Variants in NCOR2 observed in about 807,000 individuals in gnomAD.
NCOR2 encodes nuclear receptor corepressor 2, also known as CTG repeat protein 26.
NCOR2 carries 81 observed loss-of-function variants against 262.9 expected under a neutral mutation model. The observed-to-expected ratio is 0.31, with a 90% CI of 0.26 to 0.37. The LOEUF is 0.37. Ranked by LOEUF, NCOR2 falls within the 10% of genes least tolerant of loss-of-function variation. The pLI, the probability that NCOR2 is intolerant of heterozygous loss-of-function variation, is 1.00. For missense variants in NCOR2, 3,385 were observed against 3,621.4 expected, an observed-to-expected ratio of 0.93 and a Z score of 1.68; for synonymous variants, 1,659 against 1,559.3, an observed-to-expected ratio of 1.06 and a Z score of -1.51.
chr12:124,364,699 C>T (rs968490775), intron 20 of NCOR2, among the ~76,000 whole-genome samples: 2 of 152,194 alleles, frequency 1.3e-5, no homozygotes, highest in African/African-American at 2.4e-5. Context: ...GCCATAATCC[C>T]CATCTGGCTC....
intron 5 of NCOR2, among the ~76,000 whole-genome samples, chr12:124,462,387 G>A (rs1242301486): frequency 2.0e-5 from 3 of 152,214 alleles, no homozygotes; most frequent in East Asian, 3.8e-4. Flanking sequence ...CCCCTCCGCT[G>A]GCTGCAGCAG....
chr12:124,486,424 A>T lies in NCOR2; in HGVS notation c.233+17T>A. 5.0e-6 allele frequency: 8 copies of T among 1,612,096 alleles called. No homozygotes were observed. The highest frequency in any genetic ancestry group is 6.8e-6 in the Non-Finnish European group (8 of 1,179,388). ...GCTCTCACGCCCTGGACAGGGAGGCAGCAACTCTCTCCTCACCGTTCATTC... is the reference window on the plus strand; with the variant it reads ...GCTCTCACGCCCTGGACAGGGAGGCTGCAACTCTCTCCTCACCGTTCATTC... On this transcript the variant is annotated intron_variant, in intron 2 of 46. Transcript: ENST00000405201.
chr12:124,525,382 T>G (rs1398524214), intron 1 of NCOR2, among the ~76,000 whole-genome samples: 2 of 152,224 alleles, frequency 1.3e-5, no homozygotes, highest in African/African-American at 4.8e-5. Flanking sequence ...CTCCCCACCC[T>G]GTATTATTTC....
intron 20 of NCOR2, among the ~76,000 whole-genome samples, chr12:124,368,599 T>G (rs572172253): frequency 6.6e-6 from 1 of 152,368 alleles, no homozygotes; most frequent in African/African-American, 2.4e-5. Context: ...GCCTCTCTGC[T>G]GTCCACTGGA....
At position 124,432,702 on chromosome 12, in the gene NCOR2, G is replaced by C. The variant is rs1230924507; in HGVS notation, c.883-1915C>G. Among the ~76,000 whole-genome samples the C allele has an allele frequency of 6.6e-6, 1 of 152,174 alleles. No homozygotes were observed. The highest frequency in any genetic ancestry group is 1.5e-5 in the Non-Finnish European group (1 of 68,024). ...GCTGTGAGGACCCCAGCAGCTCCCA[G>C]AGAGGGGGCTCTGCCTTCCCTCCAA... is the stretch of plus-strand genomic sequence containing the variant. On this transcript the variant is annotated intron_variant, in intron 8 of 46. Transcript: ENST00000405201. The surrounding 1 kb of genome is among the most constrained non-coding windows in gnomAD (Gnocchi z 5.1).
In NCOR2 at chr12:124,509,239, G is replaced by GGGGC. The variant is rs1555234130; in HGVS notation, c.-117-13872_-117-13871insGCCC. Among the ~76,000 whole-genome samples the GGGGC allele has an allele frequency of 9.8e-5, 9 of 91,460 alleles. No individual in the cohort carries two copies. The Admixed American group carries it at 1.1e-3, about 11-fold the overall frequency. 60.0% of individuals were successfully genotyped at this position (91,460 alleles called of 152,430 possible). On this transcript the variant is annotated intron_variant, in intron 1 of 46. Transcript: ENST00000404621. ...CCAAAGTGGCACTGGCTTTGGTGGGGGGGGGGGGGGCTTAACTCTGAACTC... is the reference window on the plus strand; with the variant it reads ...CCAAAGTGGCACTGGCTTTGGTGGGGGGGCGGGGGGGGGGCTTAACTCTGAACTC...
intron 1 of NCOR2, among the ~76,000 whole-genome samples, chr12:124,506,051 T>A (rs1179788876): frequency 6.6e-6 from 1 of 151,534 alleles, no homozygotes; most frequent in Admixed American, 6.6e-5. Context: ...CCCCACATTC[T>A]GCTTCAAGCC....
At chr12:124,403,253 T>C (rs1316679699) in intron 13 of NCOR2, among the ~76,000 whole-genome samples, 1 of 152,166 alleles carries the variant, frequency 6.6e-6, no homozygotes, top group Non-Finnish European at 1.5e-5. Flanking sequence ...GCTGCTCTGC[T>C]GCCTGGGCCT....
At position 124,327,644 on chromosome 12, in the gene NCOR2, G is replaced by A. The variant is rs746563516; in HGVS notation, c.6959-11C>T. ...TATAGGTCATAAGGCCTGGGAGAGA[G>A]AGACAGACAGACAGACAGACACATG... On this transcript the variant is annotated splice_polypyrimidine_tract_variant and intron_variant, in intron 44 of 46. Transcript: ENST00000405201. 1.5e-5 allele frequency: 24 copies of A among 1,588,404 alleles called. No homozygotes were observed. The Admixed American group carries it at 2.7e-4, about 18-fold the overall frequency.
chr12:124,445,238 CG>C (rs1417594128), intron 7 of NCOR2, among the ~76,000 whole-genome samples: 20 of 152,308 alleles, frequency 1.3e-4, no homozygotes, highest in Admixed American at 5.9e-4. Context: ...ACATCCCACG[CG>C]GGCTCCATAG....
chr12:124,461,673 C>A (rs1469813528), intron 5 of NCOR2, among the ~76,000 whole-genome samples: 1 of 152,232 alleles, frequency 6.6e-6, no homozygotes, highest in Non-Finnish European at 1.5e-5. Flanking sequence ...TGTAACCACA[C>A]CCGCCCCACA....
At chr12:124,366,202 A>G (rs1361950284) in intron 20 of NCOR2, among the ~76,000 whole-genome samples, 1 of 152,186 alleles carries the variant, frequency 6.6e-6, no homozygotes, top group Non-Finnish European at 1.5e-5. Flanking sequence ...ACATCCACCA[A>G]GAGACGAATG....
chr12:124,441,870 T>A (rs2136445282), intron 7 of NCOR2, among the ~76,000 whole-genome samples: 1 of 152,294 alleles, frequency 6.6e-6, no homozygotes, highest in African/African-American at 2.4e-5. Context: ...AAACCCACCA[T>A]CCCAGTCTTA....
intron 21 of NCOR2, among the ~76,000 whole-genome samples, chr12:124,363,072 G>A (rs991423244): frequency 3.3e-5 from 5 of 152,286 alleles, no homozygotes; most frequent in Non-Finnish European, 5.9e-5. Context: ...AATCCTCTGG[G>A]TCTCAGGGAA....
At chr12:124,545,220 G>T (rs544077100) in intron 1 of NCOR2, among the ~76,000 whole-genome samples, 1 of 152,208 alleles carries the variant, frequency 6.6e-6, no homozygotes, top group African/African-American at 2.4e-5. Flanking sequence ...GCAGAGTCTC[G>T]GAGGGCCACG....
upstream of NCOR2, among the ~76,000 whole-genome samples, chr12:124,498,413 C>T (rs193125401): frequency 8.4e-4 from 128 of 152,308 alleles, 1 homozygote; most frequent in Admixed American, 4.0e-3. Context: ...CGGCCCCTCA[C>T]CTACCAAGGG....
At chr12:124,333,001 G>A (rs2035345206) in intron 42 of NCOR2, 129 bp downstream of exon 44, 4 of 1,294,848 alleles carry the variant, frequency 3.1e-6, no homozygotes, top group East Asian at 4.9e-5. Context: ...CTGCTTGGCA[G>A]GCTTGAGGTC....
upstream of NCOR2, among the ~76,000 whole-genome samples, chr12:124,499,502 G>A (rs1178883018): frequency 3.3e-5 from 5 of 152,236 alleles, no homozygotes; most frequent in South Asian, 6.2e-4. Flanking sequence ...GGGTGAAGGC[G>A]AGGGGATGGA....
chr12:124,434,209 AGGGTCTGAGGG>A (rs2044198721), intron 8 of NCOR2, among the ~76,000 whole-genome samples: 1 of 152,018 alleles, frequency 6.6e-6, no homozygotes, highest in Non-Finnish European at 1.5e-5. Context: ...TGGGGGTCCC[AGGGTCTGAGGG>A]GGGTCTGACT....
Sources: gnomAD v4.1 joint callset for allele counts (sites outside exome capture counted in the v4.1 genomes callset) on GRCh38, gnomAD v4.1.1 for gene constraint, Gnocchi (gnomAD v3.1) non-coding constraint, MANE v1.5 for transcripts, NCBI Gene and HGNC (gene_info 2026-07-23, HGNC 2026-07-21) for gene names.